The following TRAPPC9 variants were observed in gnomAD, a reference collection of about 807,000 sequenced individuals.
TRAPPC9 encodes the protein trafficking protein particle complex subunit 9, also known as IKK2 binding protein.
TRAPPC9 carries 83 observed loss-of-function variants against 124.0 expected under a neutral mutation model. The ratio of observed to expected loss-of-function variants is 0.67; its 90% CI spans 0.56 to 0.80. TRAPPC9 has a LOEUF of 0.80. TRAPPC9 is among the 30% of genes least tolerant of loss of function. TRAPPC9 has a pLI of 0.00. For missense variants in TRAPPC9, 1,302 were observed against 1,508.3 expected (o/e 0.86, Z 2.27); for synonymous variants, 638 against 617.5 (o/e 1.03, Z -0.49).
rs902384455 is a variant in TRAPPC9 at position 140,300,261 on chromosome 8, A to G, written c.1768+208T>C. ...TGCACGCACGCATGCATACACACAT[A>G]CACGCACATATGCACGCATGCACAC... On this transcript the variant is annotated intron_variant, in intron 11 of 22. Transcript: ENST00000438773. 2.1e-5 allele frequency among the ~76,000 whole-genome samples: 3 copies of G among 142,784 alleles called. No individual in the cohort carries two copies. The East Asian group carries it at 5.8e-4, about 28-fold the overall frequency. The allele number at this position is 142,784 out of a possible 152,430, so 93.7% of individuals were successfully genotyped here.
intron 21 of TRAPPC9, among the ~76,000 whole-genome samples, chr8:139,869,298 T>C (rs367929611): frequency 1.3e-5 from 2 of 152,098 alleles, no homozygotes; most frequent in Admixed American, 6.5e-5. Context: ...AGTTATAATA[T>C]CAAAGAGGGA....
chr8:140,374,065 G>T (rs2068363603), intron 7 of TRAPPC9, among the ~76,000 whole-genome samples: 1 of 152,144 alleles, frequency 6.6e-6, no homozygotes, highest in African/African-American at 2.4e-5. Flanking sequence ...TGCCTTCTAT[G>T]TCCTCATCTG....
At chr8:139,867,541 G>A (rs563104201) in intron 21 of TRAPPC9, among the ~76,000 whole-genome samples, 4 of 152,292 alleles carry the variant, frequency 2.6e-5, no homozygotes, top group African/African-American at 9.6e-5. Flanking sequence ...TTACAGTAGA[G>A]GGAAGCAAAC....
intron 9 of TRAPPC9, among the ~76,000 whole-genome samples, chr8:140,358,495 C>T (rs1338777887): frequency 1.3e-5 from 2 of 152,226 alleles, no homozygotes; most frequent in African/African-American, 4.8e-5. Flanking sequence ...GAATGAGCTA[C>T]CACATCCGGC....
At chr8:139,744,597 TC>T (rs1488424432) in intron 21 of TRAPPC9, among the ~76,000 whole-genome samples, 1 of 152,110 alleles carries the variant, frequency 6.6e-6, no homozygotes, top group Non-Finnish European at 1.5e-5. Context: ...ACAGGCTCTT[TC>T]CCCCCATCAG....
At chr8:140,391,064 G>A (rs2068909986) in intron 7 of TRAPPC9, among the ~76,000 whole-genome samples, 2 of 152,044 alleles carry the variant, frequency 1.3e-5, no homozygotes, top group African/African-American at 4.8e-5. Context: ...GCTTTTCCTG[G>A]GTTTCCTTAG....
At chr8:140,456,713 G>A (rs1220500139) in intron 1 of TRAPPC9, 18 of 783,494 alleles carry the variant, frequency 2.3e-5, no homozygotes, top group Non-Finnish European at 2.5e-5. Flanking sequence ...GATGTCATAG[G>A]TAGCTATGAC....
chr8:139,954,733 G>A (rs1834868683), intron 19 of TRAPPC9, among the ~76,000 whole-genome samples: 1 of 152,196 alleles, frequency 6.6e-6, no homozygotes, highest in African/African-American at 2.4e-5. Context: ...AAGGAACAAA[G>A]GTAGAGGTGC....
At chr8:140,405,943 A>G (rs1433335832) in intron 5 of TRAPPC9, among the ~76,000 whole-genome samples, 1 of 152,230 alleles carries the variant, frequency 6.6e-6, no homozygotes, top group African/African-American at 2.4e-5. Flanking sequence ...AGAACATGAA[A>G]TGCATTACAT....
intron 17 of TRAPPC9, among the ~76,000 whole-genome samples, chr8:140,101,532 CTTTTTTTTG>C (rs1427391479): frequency 5.1e-5 from 4 of 78,722 alleles, no homozygotes; most frequent in African/African-American, 1.3e-4. Flanking sequence ...GTAGGGTTTT[CTTTTTTTTG>C]TTTTTTTTTT....
At chr8:140,327,250 A>AAAGAC (rs897813213) in intron 9 of TRAPPC9, among the ~76,000 whole-genome samples, 1 of 152,110 alleles carries the variant, frequency 6.6e-6, no homozygotes, top group African/African-American at 2.4e-5. Flanking sequence ...ATCTAAAAAA[A>AAAGAC]AAGACAAGAC....
At chr8:140,000,513 A>G (rs1838320695) in intron 18 of TRAPPC9, among the ~76,000 whole-genome samples, 2 of 152,256 alleles carry the variant, frequency 1.3e-5, no homozygotes, top group South Asian at 4.1e-4. Context: ...CAGAATCTAC[A>G]AAGAACTTAA....
In TRAPPC9 at chr8:140,085,319, C is replaced by A. The variant is rs1371983863; in HGVS notation, c.2557-61240G>T. ...GGTTCCTGCTGCATAAGTATGTTTGCAGAAAGAATCTTACTGTTTAAAAAA... is the reference window on the plus strand; with the variant it reads ...GGTTCCTGCTGCATAAGTATGTTTGAAGAAAGAATCTTACTGTTTAAAAAA... On this transcript the variant is annotated intron_variant, in intron 17 of 22. Transcript: ENST00000438773. Among the ~76,000 whole-genome samples, 4 of 130,318 alleles carry A rather than the reference C, an allele frequency of 3.1e-5. No individual in the cohort carries two copies. The East Asian group carries it at 6.5e-4, about 21-fold the overall frequency. The allele number at this position is 130,318 out of a possible 152,430, so 85.5% of individuals were successfully genotyped here. A position where few individuals can be genotyped will look rare whatever the true frequency, so the allele number is the denominator to read the frequency against.
At chr8:139,965,214 C>T (rs1386241949) in intron 19 of TRAPPC9, among the ~76,000 whole-genome samples, 3 of 152,310 alleles carry the variant, frequency 2.0e-5, no homozygotes, top group South Asian at 2.1e-4. Context: ...GTGCTTTGCA[C>T]GTTCAGGAAT....
chr8:140,036,503 T>C (rs1316621176), intron 17 of TRAPPC9, among the ~76,000 whole-genome samples: 2 of 151,966 alleles, frequency 1.3e-5, no homozygotes, highest in African/African-American at 4.8e-5. Flanking sequence ...ATGAGAAGAA[T>C]GCACTACCAG....
chr8:140,280,007 A>T (rs4560764), intron 14 of TRAPPC9, among the ~76,000 whole-genome samples: 1 of 151,982 alleles, frequency 6.6e-6, no homozygotes, highest in African/African-American at 2.4e-5. Flanking sequence ...TGGAGCCACG[A>T]TCTCCTTTAT....
chr8:140,377,397 C>G (rs1295689183), intron 7 of TRAPPC9, among the ~76,000 whole-genome samples: 1 of 152,138 alleles, frequency 6.6e-6, no homozygotes, highest in African/African-American at 2.4e-5. Context: ...CTCCCAGGTT[C>G]AAACAATTCT....
intron 19 of TRAPPC9, among the ~76,000 whole-genome samples, chr8:139,970,269 C>T (rs1033868674): frequency 6.6e-6 from 1 of 152,218 alleles, no homozygotes; most frequent in Non-Finnish European, 1.5e-5. Context: ...CATCTCTGGG[C>T]GTCACAGCCC....
intron 19 of TRAPPC9, among the ~76,000 whole-genome samples, chr8:139,956,085 T>C (rs192389791): frequency 2.6e-4 from 39 of 152,310 alleles, no homozygotes; most frequent in African/African-American, 8.4e-4. Context: ...ATGCTCCTCG[T>C]TCGAAACACC....
Sources: allele counts gnomAD v4.1 joint callset (sites outside exome capture counted in the v4.1 genomes callset), GRCh38; gene constraint gnomAD v4.1.1; transcripts MANE v1.5; gene names NCBI Gene and HGNC (gene_info 2026-07-23, HGNC 2026-07-21).